SLC67A2: variants seen among roughly 807,000 people sequenced by gnomAD.
The protein encoded by SLC67A2 is solute carrier family 67 member A2.
chr2:102,721,070 G>A, the SLC67A2 span, among the ~76,000 whole-genome samples: 1 of 152,302 alleles, frequency 6.6e-6, no homozygotes, highest in East Asian at 1.9e-4. Flanking sequence ...CTTCCTTGAA[G>A]CCATTGTAGT....
the SLC67A2 span, among the ~76,000 whole-genome samples, chr2:102,735,028 T>C: frequency 3.1e-4 from 47 of 152,204 alleles, 1 homozygote; most frequent in Non-Finnish European, 8.8e-5. Context: ...AGGACAGCAG[T>C]AGCTTGGGAC....
chr2:102,733,063 C>A, the SLC67A2 span, among the ~76,000 whole-genome samples: 1 of 152,182 alleles, frequency 6.6e-6, no homozygotes, highest in Non-Finnish European at 1.5e-5. Context: ...ATATGATGAG[C>A]ATTAAGTGGC....
the SLC67A2 span, chr2:102,726,919 A>G: frequency 1.2e-6 from 2 of 1,613,708 alleles, no homozygotes; most frequent in Non-Finnish European, 1.7e-6. Flanking sequence ...CAGAGCACTG[A>G]GTAGAATGCA....
chr2:102,718,184 G>A, the SLC67A2 span: 1 of 530,536 alleles, frequency 1.9e-6, no homozygotes, highest in Non-Finnish European at 3.3e-6. Flanking sequence ...CGCTGAATAT[G>A]CTCACCTTGG....
At chr2:102,715,720 T>C in the SLC67A2 span, 1 of 152,054 alleles carries the variant, frequency 6.6e-6, no homozygotes. Flanking sequence ...GAATAGTGAG[T>C]TGCACCCTAT....
chr2:102,718,859 C>G, the SLC67A2 span: 1 of 1,614,048 alleles, frequency 6.2e-7, no homozygotes, highest in Non-Finnish European at 8.5e-7. Flanking sequence ...CCCCAGCATG[C>G]TGCTGTAACT....
the SLC67A2 span, among the ~76,000 whole-genome samples, chr2:102,715,129 C>T: frequency 6.6e-6 from 1 of 152,322 alleles, no homozygotes; most frequent in South Asian, 2.1e-4. Context: ...CCTAAAGTTA[C>T]TGCCCCAAAG....
At chr2:102,732,644 C>T in the SLC67A2 span, among the ~76,000 whole-genome samples, 1 of 152,100 alleles carries the variant, frequency 6.6e-6, no homozygotes, top group East Asian at 1.9e-4. Context: ...TACAGAAGTT[C>T]CTCAAACAAA....
At chr2:102,736,016 A>G in the SLC67A2 span, among the ~76,000 whole-genome samples, 1 of 152,150 alleles carries the variant, frequency 6.6e-6, no homozygotes, top group South Asian at 2.1e-4. Context: ...GGGGTCATCA[A>G]CAGCGGCTTC....
At chr2:102,731,334 T>TA in the SLC67A2 span, among the ~76,000 whole-genome samples, 1 of 152,164 alleles carries the variant, frequency 6.6e-6, no homozygotes, top group East Asian at 1.9e-4. Context: ...AAGGTGACGT[T>TA]ATGGACGCTG....
the SLC67A2 span, among the ~76,000 whole-genome samples, chr2:102,725,039 G>A: frequency 6.6e-6 from 1 of 152,174 alleles, no homozygotes; most frequent in African/African-American, 2.4e-5. Flanking sequence ...CATGAGGGAC[G>A]AAGACTGTGG....
At chr2:102,730,531 A>C in the SLC67A2 span, among the ~76,000 whole-genome samples, 4 of 152,170 alleles carry the variant, frequency 2.6e-5, no homozygotes, top group Non-Finnish European at 5.9e-5. Flanking sequence ...ATAAATAATA[A>C]AATTGGTAAT....
the SLC67A2 span, chr2:102,736,877 C>T: frequency 6.0e-6 from 9 of 1,495,858 alleles, no homozygotes; most frequent in Non-Finnish European, 8.0e-6. Context: ...CAGCCCCGCC[C>T]CGAGCGGAAG....
At chr2:102,728,597 T>C in the SLC67A2 span, among the ~76,000 whole-genome samples, 1 of 152,204 alleles carries the variant, frequency 6.6e-6, no homozygotes, top group Non-Finnish European at 1.5e-5. Flanking sequence ...TTCATTTCAA[T>C]GAATTTTAGA....
the SLC67A2 span, among the ~76,000 whole-genome samples, chr2:102,729,999 A>G: frequency 6.6e-6 from 1 of 152,180 alleles, no homozygotes; most frequent in East Asian, 1.9e-4. Context: ...CAGGCCAGCT[A>G]TTGAGACCAA....
chr2:102,736,560 A>G, the SLC67A2 span: 2 of 1,610,966 alleles, frequency 1.2e-6, no homozygotes, highest in Non-Finnish European at 1.7e-6. Context: ...ACTCCCTGGG[A>G]GCTCCCCGGA....
the SLC67A2 span, chr2:102,736,558 G>A: frequency 1.2e-6 from 2 of 1,610,724 alleles, no homozygotes; most frequent in Non-Finnish European, 1.7e-6. Flanking sequence ...CCACTCCCTG[G>A]GAGCTCCCCG....
chr2:102,719,260 C>T, the SLC67A2 span: 37,563 of 1,539,872 alleles, frequency 0.024, 576 homozygotes, highest in Admixed American at 0.054. Flanking sequence ...TGAATCCATA[C>T]ACTACCTCCT....
At chr2:102,734,550 A>AT in the SLC67A2 span, among the ~76,000 whole-genome samples, 2,324 of 152,234 alleles carry the variant, frequency 0.015, 66 homozygotes, top group African/African-American at 0.054. Flanking sequence ...TGTCAAAAAA[A>AT]AACTAAATTA....
Sources: allele counts gnomAD v4.1 joint callset (sites outside exome capture counted in the v4.1 genomes callset), GRCh38; gene constraint gnomAD v4.1.1; transcripts MANE v1.5; gene names NCBI Gene and HGNC (gene_info 2026-07-23, HGNC 2026-07-21).